CAST: variants seen among roughly 807,000 people sequenced by gnomAD.
The protein encoded by CAST is calpastatin.
A neutral mutation model predicts 119.6 loss-of-function variants in CAST; 76 were observed. That is an observed-to-expected ratio of 0.64 (90% CI 0.53 to 0.77). CAST has a LOEUF of 0.77. CAST is among the 30% of genes least tolerant of loss of function. The pLI, the probability that CAST is intolerant of heterozygous loss-of-function variation, is 0.00. For missense variants in CAST, 953 were observed against 946.5 expected (o/e 1.01, Z -0.09); for synonymous variants, 319 against 331.6 (o/e 0.96, Z 0.41).
the CAST span, among the ~76,000 whole-genome samples, chr5:96,047,721 T>C: frequency 4.6e-5 from 7 of 152,202 alleles, no homozygotes; most frequent in South Asian, 2.1e-4. Context: ...ACAGACACAG[T>C]CTCTGTCTTC....
intron 1 of CAST, chr5:96,584,643 G>A (rs1263226381): frequency 2.6e-5 from 4 of 152,240 alleles, no homozygotes; most frequent in Non-Finnish European, 5.9e-5. Context: ...GAGAAAGTGA[G>A]TGCAGCCTTC....
chr5:96,023,867 T>G, the CAST span, among the ~76,000 whole-genome samples: 1 of 152,188 alleles, frequency 6.6e-6, no homozygotes, highest in Non-Finnish European at 1.5e-5. Context: ...TTCAGAGGCC[T>G]GGATAGTTAA....
At chr5:96,521,854 C>T (rs555377752), upstream of CAST, among the ~76,000 whole-genome samples, 2 of 152,288 alleles carry the variant, frequency 1.3e-5, no homozygotes, top group East Asian at 3.9e-4. Context: ...TGCGGTGGCT[C>T]CGGACTGTAA....
At chr5:96,619,533 TG>T (rs553763016) in intron 1 of CAST, among the ~76,000 whole-genome samples, 1 of 152,220 alleles carries the variant, frequency 6.6e-6, no homozygotes, top group Non-Finnish European at 1.5e-5. Context: ...TCTTCCACAG[TG>T]TGGTAGCTTT....
At chr5:95,988,659 C>A in the CAST span, among the ~76,000 whole-genome samples, 1 of 152,106 alleles carries the variant, frequency 6.6e-6, no homozygotes, top group African/African-American at 2.4e-5. Flanking sequence ...CTATAGCTAA[C>A]TGATGTTGGA....
chr5:96,230,974 A>G, the CAST span, among the ~76,000 whole-genome samples: 6 of 152,176 alleles, frequency 3.9e-5, no homozygotes, highest in African/African-American at 1.4e-4. Flanking sequence ...AGTTATAATC[A>G]AGACAGTGAC....
chr5:96,119,547 A>C, the CAST span, among the ~76,000 whole-genome samples: 2 of 152,110 alleles, frequency 1.3e-5, no homozygotes, highest in Non-Finnish European at 2.9e-5. Context: ...TATAAGCTGG[A>C]GGGTTTGCAT....
the CAST span, among the ~76,000 whole-genome samples, chr5:96,442,428 A>C: frequency 6.6e-6 from 1 of 152,234 alleles, no homozygotes; most frequent in Non-Finnish European, 1.5e-5. Flanking sequence ...AGAACTGTCC[A>C]TGATTTTAGA....
At chr5:96,696,296 A>G (rs976028200) in intron 3 of CAST, 1 of 154,044 alleles carries the variant, frequency 6.5e-6, no homozygotes, top group African/African-American at 2.4e-5. Context: ...TTATGTAATT[A>G]TATCACGTAA....
At chr5:96,598,602 G>C (rs1747093887) in intron 1 of CAST, among the ~76,000 whole-genome samples, 1 of 152,162 alleles carries the variant, frequency 6.6e-6, no homozygotes, top group Admixed American at 6.5e-5. Flanking sequence ...GTTTTTCTAT[G>C]AGAAAAATGG....
At chr5:96,234,327 C>T in the CAST span, among the ~76,000 whole-genome samples, 2 of 152,160 alleles carry the variant, frequency 1.3e-5, no homozygotes, top group African/African-American at 4.8e-5. Flanking sequence ...GGGAATGCGG[C>T]TAGAGATGCT....
intron 1 of CAST, among the ~76,000 whole-genome samples, chr5:96,607,234 G>A (rs1384391258): frequency 1.3e-5 from 2 of 152,200 alleles, no homozygotes; most frequent in Non-Finnish European, 2.9e-5. Context: ...CTTGCAGTGA[G>A]CCGAGATCGC....
chr5:96,061,039 T>C, the CAST span, among the ~76,000 whole-genome samples: 1 of 152,050 alleles, frequency 6.6e-6, no homozygotes, highest in East Asian at 1.9e-4. Flanking sequence ...CTAAAACTAT[T>C]GGATTAAGAC....
At chr5:96,751,131 G>A (rs371720450) in intron 20 of CAST, among the ~76,000 whole-genome samples, 5 of 151,900 alleles carry the variant, frequency 3.3e-5, no homozygotes, top group Middle Eastern at 3.4e-3. Context: ...TCTTCTTTTC[G>A]TGCTTCTCTC....
chr5:96,258,614 CA>C, the CAST span, among the ~76,000 whole-genome samples: 1 of 152,142 alleles, frequency 6.6e-6, no homozygotes, highest in African/African-American at 2.4e-5. Context: ...GTTTCTGGTA[CA>C]TGACACATTA....
chr5:96,513,842 A>G, the CAST span, among the ~76,000 whole-genome samples: 23 of 152,342 alleles, frequency 1.5e-4, no homozygotes, highest in East Asian at 2.7e-3. Context: ...CCTAGAGGTT[A>G]GAAGCCCCAC....
At chr5:96,302,095 A>G in the CAST span, among the ~76,000 whole-genome samples, 1 of 152,002 alleles carries the variant, frequency 6.6e-6, no homozygotes, top group Non-Finnish European at 1.5e-5. Context: ...CCAAGCCTCA[A>G]CTCTTGCCCT....
chr5:96,177,809 CTTCTGG>C, the CAST span, among the ~76,000 whole-genome samples: 2 of 152,210 alleles, frequency 1.3e-5, no homozygotes, highest in African/African-American at 4.8e-5. Context: ...AGCCGAGCTG[CTTCTGG>C]TTCTGCAACT....
At chr5:96,060,839 A>G in the CAST span, among the ~76,000 whole-genome samples, 27 of 152,234 alleles carry the variant, frequency 1.8e-4, no homozygotes, top group East Asian at 5.0e-3. Flanking sequence ...AACAATAGAA[A>G]TATTTATTCT....
Sources: allele counts gnomAD v4.1 joint callset (sites outside exome capture counted in the v4.1 genomes callset), GRCh38; gene constraint gnomAD v4.1.1; transcripts MANE v1.5; gene names NCBI Gene and HGNC (gene_info 2026-07-23, HGNC 2026-07-21).